UTP20: variants seen among roughly 807,000 people sequenced by gnomAD.
UTP20 encodes UTP20 small subunit processome component.
A neutral mutation model predicts 329.5 loss-of-function variants in UTP20; 164 were observed. The ratio of observed to expected loss-of-function variants is 0.50; its 90% CI spans 0.44 to 0.57. The LOEUF (loss-of-function observed/expected upper bound fraction) is 0.57. Ranked by LOEUF, UTP20 falls within the 20% of genes least tolerant of loss-of-function variation. The pLI is 0.00. For missense variants in UTP20, 3,055 were observed against 3,284.2 expected (o/e 0.93, Z 1.71); for synonymous variants, 1,151 against 1,159.3 (o/e 0.99, Z 0.14).
intron 29 of UTP20, among the ~76,000 whole-genome samples, chr12:101,335,900 C>T (rs1868919957): frequency 6.6e-6 from 1 of 152,192 alleles, no homozygotes; most frequent in South Asian, 2.1e-4. Context: ...GTAAGCGACA[C>T]TTCATAGGCT....
chr12:101,285,594 G>A lies in UTP20; in HGVS notation c.151G>A (p.Gly51Ser), dbSNP rs767850144. 18 of 1,613,512 alleles carry A rather than the reference G, an allele frequency of 1.1e-5. No individual in the cohort carries two copies. Among genetic ancestry groups the A allele is most frequent in the African/African-American group, 1.3e-5 (1 of 74,858 alleles). The change falls in exon 3 of 62, where the codon GGT (glycine) becomes AGT (serine). Residue 51 changes from glycine (G) to serine (S), a missense_variant. Gly to Ser is a moderately conservative substitution (Grantham distance 56). Transcript: ENST00000261637. ...GGAGGTTGAAACCTACTTTTTTGAG[G>A]GTCTGCTGAAATGGAGAGAATTAAA... ...EEEVETYFFE[G>S]LLKWRELNLT...
In UTP20 at chr12:101,311,811, G is replaced by A. The variant is rs952673905; in HGVS notation, c.2311+13G>A. 31 of 1,598,338 alleles carry A rather than the reference G, an allele frequency of 1.9e-5. No homozygotes were observed. Among genetic ancestry groups the A allele is most frequent in the Non-Finnish European group, 2.6e-5 (31 of 1,175,290 alleles). ...GCTACGCATGCTGGTATGTAAAGGG[G>A]TTGTGAGGAAGCTGCGAAGAAAAGT... On this transcript the variant is annotated intron_variant, in intron 20 of 61. Transcript: ENST00000261637.
chr12:101,290,293 T>A lies in UTP20; in HGVS notation c.735+19T>A. 1 of 1,571,872 alleles carries A rather than the reference T, an allele frequency of 6.4e-7. No homozygotes were observed. Among genetic ancestry groups the A allele is most frequent in the Non-Finnish European group, 8.6e-7 (1 of 1,163,590 alleles). ...AGGCCAGGTACATAATGGGGAGGGGTGCTTAGAGTCTATGTGGATGGATGA... is the reference window on the plus strand; with the variant it reads ...AGGCCAGGTACATAATGGGGAGGGGAGCTTAGAGTCTATGTGGATGGATGA... On this transcript the variant is annotated intron_variant, in intron 7 of 61. Transcript: ENST00000261637.
At chr12:101,383,733 T>C (rs1870734033) in intron 60 of UTP20, 64 bp downstream of exon 60, 2 of 1,349,330 alleles carry the variant, frequency 1.5e-6, no homozygotes, top group Non-Finnish European at 1.9e-6. Context: ...CTCTCCTGAA[T>C]GTTTCCTTCT....
At chr12:101,358,032 A>G (rs17414492) in intron 43 of UTP20, among the ~76,000 whole-genome samples, 2,843 of 152,298 alleles carry the variant, frequency 0.019, 48 homozygotes, top group South Asian at 0.056. Flanking sequence ...ATGATGCTCA[A>G]AGAAAACAAT....
At chr12:101,358,295 T>C (rs1462604801) in intron 43 of UTP20, among the ~76,000 whole-genome samples, 1 of 152,256 alleles carries the variant, frequency 6.6e-6, no homozygotes, top group Non-Finnish European at 1.5e-5. Flanking sequence ...TCACCCTGTA[T>C]GGCCCTTTGC....
At chr12:101,374,500 C>A (rs936973912) in intron 54 of UTP20, among the ~76,000 whole-genome samples, 1 of 152,070 alleles carries the variant, frequency 6.6e-6, no homozygotes, top group African/African-American at 2.4e-5. Context: ...TTGTTGCATA[C>A]CCACTTAATG....
chr12:101,322,164 A>G (rs1182495983), intron 25 of UTP20, among the ~76,000 whole-genome samples: 1 of 151,750 alleles, frequency 6.6e-6, no homozygotes, highest in Non-Finnish European at 1.5e-5. Flanking sequence ...TAATTTTTGT[A>G]TTTTTAGTAG....
rs1868672457 is a variant in UTP20, at chr12:101,329,227, CTT to C, written c.3209-12_3209-11del. The C allele has an allele frequency of 3.1e-6, 5 of 1,612,108 alleles. No homozygotes were observed. Among genetic ancestry groups the C allele is most frequent in the East Asian group, 2.2e-5 (1 of 44,828 alleles). On this transcript the variant is annotated splice_polypyrimidine_tract_variant and intron_variant, in intron 26 of 61. Coordinates refer to ENST00000261637, the MANE Select transcript of UTP20 (RefSeq NM_014503.3). ...GTTACCTTACATGACCTCTCGTCCT[CTT>C]TGTTTCACTAGGAGAGTGCCATTCT...
At chr12:101,375,904 AG>A in intron 56 of UTP20, 148 bp downstream of exon 56, 1 of 552,600 alleles carries the variant, frequency 1.8e-6, no homozygotes, top group East Asian at 3.2e-5. Context: ...AGGTTCTATC[AG>A]ATTGAACACA....
chr12:101,290,322 A>G, intron 7 of UTP20, 48 bp downstream of exon 7: 1 of 1,537,202 alleles, frequency 6.5e-7, no homozygotes, highest in South Asian at 1.3e-5. Flanking sequence ...TGGATGAAAC[A>G]GAAAGTAGAA....
chr12:101,331,373 G>A (rs1456664392), intron 27 of UTP20, among the ~76,000 whole-genome samples: 1 of 152,068 alleles, frequency 6.6e-6, no homozygotes, highest in Non-Finnish European at 1.5e-5. Flanking sequence ...CAAATATCAG[G>A]GATAATTTTT....
chr12:101,371,629 G>A (rs897562521), intron 51 of UTP20, among the ~76,000 whole-genome samples: 34 of 143,862 alleles, frequency 2.4e-4, no homozygotes, highest in African/African-American at 8.7e-4. Flanking sequence ...CACCTCCCAG[G>A]TTCAAGTGAT....
At position 101,345,693 on chromosome 12, in the gene UTP20, A is replaced by G. The variant is rs1428336742; in HGVS notation, c.4745A>G (p.Gln1582Arg). The change falls in exon 37 of 62, where the codon CAG becomes CGG. Residue 1582 changes from glutamine (Q) to arginine (R), a missense_variant and splice_region_variant. By Grantham distance (43) the Gln-to-Arg change is conservative. Around this residue, in one of 3 missense-constraint regions of UTP20, gnomAD observed 2,445 missense variants for 2,575.5 expected, o/e 0.95. Coordinates refer to ENST00000261637, the MANE Select transcript of UTP20 (RefSeq NM_014503.3). ...TTCTTTGAGAACATGAAGCACATTCAGGTAGAAGACAATTCTGCTTTTTCC... is the reference window on the plus strand; with the variant it reads ...TTCTTTGAGAACATGAAGCACATTCGGGTAGAAGACAATTCTGCTTTTTCC... ...MDFFENMKHIQIHRRARALKK... is the reference protein window; with the variant it reads ...MDFFENMKHIRIHRRARALKK... The G allele has an allele frequency of 1.2e-6, 2 of 1,608,004 alleles. No homozygotes were observed. Among genetic ancestry groups the G allele is most frequent in the Non-Finnish European group, 1.7e-6 (2 of 1,178,460 alleles).
chr12:101,325,866 A>G (rs565130193), intron 25 of UTP20, among the ~76,000 whole-genome samples: 6 of 152,234 alleles, frequency 3.9e-5, no homozygotes, highest in South Asian at 2.1e-4. Context: ...ATCTGGTACT[A>G]TGAACCTGAC....
chr12:101,295,733 A>C (rs1872325133), intron 12 of UTP20, 75 bp downstream of exon 12: 1 of 1,418,044 alleles, frequency 7.1e-7, no homozygotes, highest in South Asian at 1.4e-5. Context: ...GAATACTGTA[A>C]AAAAATGATC....
At chr12:101,335,710 TG>T (rs1281116099) in intron 29 of UTP20, among the ~76,000 whole-genome samples, 1 of 152,254 alleles carries the variant, frequency 6.6e-6, no homozygotes, top group Non-Finnish European at 1.5e-5. Flanking sequence ...CTTTTGATTT[TG>T]TTTTTTTCAT....
At position 101,345,597 on chromosome 12, in the gene UTP20, A is replaced by T; in HGVS notation, c.4649A>T (p.Gln1550Leu). Reference protein sequence around the residue: ...DYTTILSCLIQTFPNQLEFKD... With the variant: ...DYTTILSCLILTFPNQLEFKD... ...ACCACAATACTTTCCTGTTTAATTCAAACCTTTCCAAACCAACTGGAATTC... is the reference window on the plus strand; with the variant it reads ...ACCACAATACTTTCCTGTTTAATTCTAACCTTTCCAAACCAACTGGAATTC... Residue 1550 changes from glutamine to leucine, a missense_variant, in exon 37 of 62, where the codon CAA becomes CTA. By Grantham distance (113) the Gln-to-Leu change is moderately radical. Transcript: ENST00000261637. 1 of 1,609,398 alleles carries T rather than the reference A, an allele frequency of 6.2e-7. No homozygotes were observed.
intron 43 of UTP20, among the ~76,000 whole-genome samples, chr12:101,359,805 G>C (rs1869853830): frequency 6.6e-6 from 1 of 152,072 alleles, no homozygotes; most frequent in African/African-American, 2.4e-5. Context: ...CCATGTCAGG[G>C]GCCAAGCAAT....
Sources: allele counts gnomAD v4.1 joint callset (sites outside exome capture counted in the v4.1 genomes callset), GRCh38; gene constraint gnomAD v4.1.1; regional missense constraint gnomAD v4.1.1; transcripts MANE v1.5; gene names NCBI Gene and HGNC (gene_info 2026-07-23, HGNC 2026-07-21).